Variants in TRAK1 observed in about 807,000 individuals in gnomAD.
TRAK1 encodes trafficking kinesin protein 1.
TRAK1 carries 33 observed loss-of-function variants against 92.1 expected under a neutral mutation model. The ratio of observed to expected loss-of-function variants is 0.36; its 90% confidence interval spans 0.27 to 0.48. The LOEUF (loss-of-function observed/expected upper bound fraction) is 0.48. Among genes scored for constraint, TRAK1 ranks in the 20% least tolerant of loss-of-function variants. The probability of loss-of-function intolerance (pLI) is 0.99; values close to 1 mark genes in which losing one functional copy is unlikely to be tolerated. For synonymous variants in TRAK1, 521 were observed against 517.3 expected, an observed-to-expected ratio of 1.01 and a Z score of -0.10; for missense variants, 1,123 against 1,257.9, an observed-to-expected ratio of 0.89 and a Z score of 1.62.
At chr3:42,185,434 C>CT (rs1221150063) in intron 4 of TRAK1, among the ~76,000 whole-genome samples, 1 of 152,130 alleles carries the variant, frequency 6.6e-6, no homozygotes, top group East Asian at 1.9e-4. Context: ...GGGAATGGAG[C>CT]TTTTCGGCTT....
chr3:42,183,568 A>AAAAAAAAAAAAAAAAAAAAAAAG (rs1553751625), intron 3 of TRAK1, among the ~76,000 whole-genome samples: 4 of 145,214 alleles, frequency 2.8e-5, no homozygotes, highest in Non-Finnish European at 4.6e-5. Context: ...AAAAAAAAAA[A>AAAAAAAAAAAAAAAAAAAAAAAG]AAAGAAAGAA....
intron 1 of TRAK1, among the ~76,000 whole-genome samples, chr3:42,092,717 T>C (rs1287169971): frequency 1.8e-5 from 2 of 113,028 alleles, no homozygotes; most frequent in Non-Finnish European, 3.9e-5. Flanking sequence ...TGTTGTGTTA[T>C]GTTATGTTAT....
At chr3:42,150,574 G>A (rs934108734) in intron 2 of TRAK1, among the ~76,000 whole-genome samples, 1 of 152,114 alleles carries the variant, frequency 6.6e-6, no homozygotes, top group Admixed American at 6.5e-5. Context: ...TTTTAATTGA[G>A]TCGGGAGTTT....
Position 42,091,531 on chromosome 3 carries a change from ACGG to A in TRAK1, c.64_66del (p.Gly22del), listed in dbSNP as rs778542178. On this transcript the variant is annotated inframe_deletion, in exon 1 of 16. Transcript: ENST00000327628. Reference sequence around the variant, plus strand: ...GCTCAGCCTCTGCCAGGACTCTGCCACGGCAAGCTCATTCGGACAAACGCCTGT... The same window carrying A: ...GCTCAGCCTCTGCCAGGACTCTGCCACAAGCTCATTCGGACAAACGCCTGT... The A allele has an allele frequency of 6.2e-7, 1 of 1,613,124 alleles. No homozygotes were observed. Among genetic ancestry groups the A allele is most frequent in the Non-Finnish European group, 8.5e-7 (1 of 1,179,782 alleles).
chr3:42,035,211 T>G (rs970243134), intron 1 of TRAK1, among the ~76,000 whole-genome samples: 1 of 152,140 alleles, frequency 6.6e-6, no homozygotes, highest in African/African-American at 2.4e-5. Context: ...AAATGCTGTT[T>G]CCCTTGGCTT....
chr3:42,210,331 T>C, intron 14 of TRAK1: 2 of 1,482,556 alleles, frequency 1.3e-6, no homozygotes, highest in Non-Finnish European at 1.8e-6. Flanking sequence ...TAACAATGGG[T>C]GTAGCTCCCC....
chr3:42,184,717 C>T lies in TRAK1; in HGVS notation c.396C>T (p.Ile132=), dbSNP rs1294293329. The part of the protein sequence containing the change: ...KERDLELAAR[I]GQSLLKKNKT... ...GGGATTTAGAATTGGCCGCTCGCAT[C>T]GGCCAGTCGTTGTTGAAGAAGAACA... The change falls in exon 4 of 16, where the codon ATC becomes ATT. Residue 132 remains isoleucine, a synonymous_variant. Transcript: ENST00000327628. The T allele has an allele frequency of 1.7e-5, 27 of 1,613,996 alleles. No individual in the cohort carries two copies. Among genetic ancestry groups the T allele is most frequent in the Admixed American group, 1.5e-4 (9 of 60,000 alleles).
At chr3:42,037,287 C>T (rs908711310) in intron 1 of TRAK1, among the ~76,000 whole-genome samples, 4 of 152,180 alleles carry the variant, frequency 2.6e-5, no homozygotes, top group African/African-American at 4.8e-5. Context: ...CAAATATACA[C>T]GGTGTGTCCA....
chr3:42,099,895 TCTTC>T (rs1219584097), intron 1 of TRAK1, among the ~76,000 whole-genome samples: 1 of 152,146 alleles, frequency 6.6e-6, no homozygotes, highest in East Asian at 1.9e-4. Flanking sequence ...GCCCAGTGTC[TCTTC>T]CTTTGCCTTT....
chr3:42,077,605 G>A (rs957837113), intron 1 of TRAK1, among the ~76,000 whole-genome samples: 2 of 152,064 alleles, frequency 1.3e-5, no homozygotes, highest in African/African-American at 4.8e-5. Flanking sequence ...CCATTTGTTT[G>A]TGTCATCTCT....
At chr3:42,067,752 A>G (rs1015118746) in intron 1 of TRAK1, among the ~76,000 whole-genome samples, 1 of 152,086 alleles carries the variant, frequency 6.6e-6, no homozygotes, top group African/African-American at 2.4e-5. Context: ...GTGAATATCC[A>G]TTGTGCTTTA....
intron 2 of TRAK1, chr3:42,160,461 C>A: frequency 6.2e-7 from 1 of 1,614,146 alleles, no homozygotes; most frequent in Non-Finnish European, 8.5e-7. Context: ...CACCCAGGAC[C>A]TCTTGGAAGA....
chr3:42,211,418 A>G (rs2149512407), intron 14 of TRAK1: 1 of 985,256 alleles, frequency 1.0e-6, no homozygotes, highest in Non-Finnish European at 1.2e-6. Flanking sequence ...AGGGAATGAA[A>G]ATGTTTTTTA....
intron 1 of TRAK1, among the ~76,000 whole-genome samples, chr3:42,095,744 C>T (rs1016135733): frequency 6.6e-6 from 1 of 152,272 alleles, no homozygotes; most frequent in South Asian, 2.1e-4. Context: ...TCATCATCAT[C>T]ATCAGTCATT....
At chr3:42,175,767 C>A (rs547266671) in intron 2 of TRAK1, among the ~76,000 whole-genome samples, 1 of 152,256 alleles carries the variant, frequency 6.6e-6, no homozygotes, top group Admixed American at 6.5e-5. Context: ...ACTTCAATTC[C>A]CAAATGTGTC....
At chr3:42,060,029 T>C (rs1412115734) in intron 1 of TRAK1, among the ~76,000 whole-genome samples, 1 of 152,226 alleles carries the variant, frequency 6.6e-6, no homozygotes, top group Admixed American at 6.5e-5. Context: ...AAGAAATGTC[T>C]TTTCTTTTTA....
intron 1 of TRAK1, among the ~76,000 whole-genome samples, chr3:42,071,474 GA>G: frequency 6.6e-6 from 1 of 152,210 alleles, no homozygotes; most frequent in African/African-American, 2.4e-5. Flanking sequence ...TTGGGAGGCT[GA>G]GGTGGGCTGA....
intron 2 of TRAK1, chr3:42,151,253 A>C: frequency 4.6e-6 from 2 of 433,800 alleles, no homozygotes; most frequent in Non-Finnish European, 4.6e-6. Flanking sequence ...AAATAAAGCC[A>C]GTCGCTTGCC....
intron 1 of TRAK1, among the ~76,000 whole-genome samples, chr3:42,036,990 A>G (rs1229654110): frequency 1.3e-5 from 2 of 151,940 alleles, no homozygotes; most frequent in Admixed American, 1.3e-4. Context: ...TTGAATCATC[A>G]TAATTTCTTA....
Sources: allele counts gnomAD v4.1 joint callset (sites outside exome capture counted in the v4.1 genomes callset), GRCh38; gene constraint gnomAD v4.1.1; transcripts MANE v1.5; gene names NCBI Gene and HGNC (gene_info 2026-07-23, HGNC 2026-07-21).